The following ANO6 variants were observed in gnomAD, a reference collection of about 807,000 sequenced individuals.
The protein encoded by ANO6 is anoctamin-6.
A neutral mutation model predicts 117.5 loss-of-function variants in ANO6; 106 were observed. That is an observed-to-expected ratio of 0.90 (90% CI 0.77 to 1.06). The LOEUF is 1.06. ANO6 is among the 50% of genes least tolerant of loss of function. The pLI is 0.00. For missense variants in ANO6, 955 were observed against 1,121.1 expected, an observed-to-expected ratio of 0.85 and a Z score of 2.12; for synonymous variants, 367 against 385.1, an observed-to-expected ratio of 0.95 and a Z score of 0.55.
chr12:45,311,304 T>C (rs1257026755), intron 2 of ANO6, among the ~76,000 whole-genome samples: 2 of 152,032 alleles, frequency 1.3e-5, no homozygotes, highest in Non-Finnish European at 2.9e-5. Flanking sequence ...CAGAGAGTAA[T>C]GATGGATCAC....
intron 1 of ANO6, among the ~76,000 whole-genome samples, chr12:45,223,347 GAGGATACCCAGCTGGTATCC>G (rs1386110865): frequency 6.6e-6 from 1 of 152,142 alleles, no homozygotes; most frequent in Non-Finnish European, 1.5e-5. Context: ...AATTCACTTG[GAGGATACCCAGCTGGTATCC>G]ACTGCAGAAT....
chr12:45,281,952 T>C (rs1314369003), intron 1 of ANO6, among the ~76,000 whole-genome samples: 3 of 152,042 alleles, frequency 2.0e-5, no homozygotes, highest in Non-Finnish European at 4.4e-5. Flanking sequence ...ATAGTCCCAA[T>C]AACAGATGCA....
In ANO6 at chr12:45,422,279, C is replaced by T. The variant is rs148164362; in HGVS notation, c.2421-678C>T. On this transcript the variant is annotated intron_variant, in intron 18 of 19. Transcript: ENST00000320560. ...CACTCTGTATGAGGAGAGAGAGTCC[C>T]ATAGCTGAGTGAACCCTGATGATAC... Among the ~76,000 whole-genome samples, 510 of 152,112 alleles carry T rather than the reference C, an allele frequency of 3.4e-3. 1 individual carries two copies. Among genetic ancestry groups the T allele is most frequent in the Middle Eastern group, 0.017 (5 of 294 alleles).
At chr12:45,302,878 C>G (rs1939542369) in intron 2 of ANO6, among the ~76,000 whole-genome samples, 1 of 152,082 alleles carries the variant, frequency 6.6e-6, no homozygotes, top group Non-Finnish European at 1.5e-5. Flanking sequence ...ATTTTTGTCC[C>G]TGCTGCAAAT....
chr12:45,397,282 C>T (rs1489411953), intron 12 of ANO6, among the ~76,000 whole-genome samples: 1 of 152,232 alleles, frequency 6.6e-6, no homozygotes, highest in South Asian at 2.1e-4. Context: ...TCAGAACCAC[C>T]ATGAGATACC....
chr12:45,260,962 G>T (rs373436897), intron 1 of ANO6, among the ~76,000 whole-genome samples: 6,846 of 137,424 alleles, frequency 0.05, 502 homozygotes, highest in African/African-American at 0.15. Context: ...TGTTTTTTTT[G>T]TTTGTTTGTT....
intron 1 of ANO6, among the ~76,000 whole-genome samples, chr12:45,253,683 A>G (rs1937706437): frequency 6.6e-6 from 1 of 152,354 alleles, no homozygotes; most frequent in South Asian, 2.1e-4. Flanking sequence ...GTTGTAGATG[A>G]TAGCCAGTAT....
chr12:45,384,617 G>A (rs1233227708), intron 10 of ANO6, among the ~76,000 whole-genome samples: 1 of 152,218 alleles, frequency 6.6e-6, no homozygotes, highest in Non-Finnish European at 1.5e-5. Context: ...CAGCCAGTCA[G>A]TGGAATGGTC....
At chr12:45,300,149 G>A (rs1308843771) in intron 1 of ANO6, among the ~76,000 whole-genome samples, 5 of 152,078 alleles carry the variant, frequency 3.3e-5, no homozygotes, top group African/African-American at 4.8e-5. Flanking sequence ...CTACAAAGCC[G>A]AGATAAATCA....
At chr12:45,223,859 C>G (rs912208834) in intron 1 of ANO6, among the ~76,000 whole-genome samples, 5 of 152,118 alleles carry the variant, frequency 3.3e-5, no homozygotes, top group Admixed American at 2.6e-4. Flanking sequence ...CTCATGGCAC[C>G]TTGGTAGGAG....
intron 6 of ANO6, among the ~76,000 whole-genome samples, chr12:45,349,132 T>C (rs962406880): frequency 2.0e-5 from 3 of 152,260 alleles, no homozygotes; most frequent in Non-Finnish European, 4.4e-5. Context: ...GCTGTTTTCA[T>C]AATTACTAAC....
chr12:45,398,352 C>G (rs1363472699), intron 12 of ANO6, among the ~76,000 whole-genome samples: 1 of 152,150 alleles, frequency 6.6e-6, no homozygotes, highest in African/African-American at 2.4e-5. Flanking sequence ...GATTTTTCAC[C>G]TCTTGAATGA....
chr12:45,269,141 T>A (rs1042237662), intron 1 of ANO6, among the ~76,000 whole-genome samples: 3 of 152,218 alleles, frequency 2.0e-5, no homozygotes, highest in Non-Finnish European at 2.9e-5. Context: ...GCCACAGGTA[T>A]CATCTGGCAT....
Position 45,223,999 on chromosome 12 carries a change from A to ATCTGT in ANO6, c.70+7612_70+7616dup, listed in dbSNP as rs1947444244. ...GTGGCACTTTGAGATACCCCCAGTT[A>ATCTGT]TCTGTTCTAAAAATGCTGAGTGTAT... On this transcript the variant is annotated intron_variant, in intron 1 of 19. Coordinates refer to ENST00000320560, the MANE Select transcript of ANO6 (RefSeq NM_001025356.3). Among the ~76,000 whole-genome samples, 3 of 152,162 alleles carry ATCTGT rather than the reference A, an allele frequency of 2.0e-5. No individual in the cohort carries two copies. The South Asian group carries it at 6.2e-4, about 31-fold the overall frequency.
At chr12:45,346,793 G>C (rs1941144763) in intron 3 of ANO6, among the ~76,000 whole-genome samples, 1 of 152,128 alleles carries the variant, frequency 6.6e-6, no homozygotes, top group Non-Finnish European at 1.5e-5. Context: ...CAGGGTGCCA[G>C]GGCATCGAAG....
chr12:45,248,133 ATAAAGT>A (rs1947852100), intron 1 of ANO6, among the ~76,000 whole-genome samples: 1 of 152,228 alleles, frequency 6.6e-6, no homozygotes, highest in South Asian at 2.1e-4. Flanking sequence ...AAATAGTACT[ATAAAGT>A]TAATTTCTTT....
chr12:45,352,133 G>C (rs1261141398), intron 7 of ANO6, among the ~76,000 whole-genome samples: 2 of 152,074 alleles, frequency 1.3e-5, no homozygotes, highest in African/African-American at 2.4e-5. Context: ...CCACCTACTT[G>C]AGAAAACTAC....
chr12:45,332,861 C>T (rs1940713428), intron 3 of ANO6, among the ~76,000 whole-genome samples: 2 of 152,152 alleles, frequency 1.3e-5, no homozygotes, highest in South Asian at 4.1e-4. Flanking sequence ...AAAGTAACTA[C>T]ATCAGTTGTG....
chr12:45,379,263 G>T (rs1942109146), intron 10 of ANO6, among the ~76,000 whole-genome samples: 1 of 152,142 alleles, frequency 6.6e-6, no homozygotes, highest in East Asian at 1.9e-4. Context: ...TAGTGATTGT[G>T]CCTATGAAGA....
Sources: gnomAD v4.1 joint callset for allele counts (sites outside exome capture counted in the v4.1 genomes callset) on GRCh38, gnomAD v4.1.1 for gene constraint, MANE v1.5 for transcripts, NCBI Gene and HGNC (gene_info 2026-07-23, HGNC 2026-07-21) for gene names.